THAP4: variants seen among roughly 807,000 people sequenced by gnomAD.
The protein encoded by THAP4 is peroxynitrite isomerase THAP4.
THAP4 carries 18 observed loss-of-function variants against 48.1 expected under a neutral mutation model. The ratio of observed to expected loss-of-function variants is 0.37; its 90% confidence interval spans 0.26 to 0.56. The LOEUF (loss-of-function observed/expected upper bound fraction) is 0.56. THAP4 is among the 20% of genes least tolerant of loss of function. The pLI, the probability that THAP4 is intolerant of heterozygous loss-of-function variation, is 0.78. For missense variants in THAP4, 656 were observed against 774.9 expected, an observed-to-expected ratio of 0.85 and a Z score of 1.82; for synonymous variants, 345 against 324.9, an observed-to-expected ratio of 1.06 and a Z score of -0.66.
At position 241,584,681 on chromosome 2, in the gene THAP4, C is replaced by A; in HGVS notation, c.1659G>T (p.Gln553His). The A allele has an allele frequency of 6.2e-7, 1 of 1,614,248 alleles. No individual in the cohort carries two copies. Among genetic ancestry groups the A allele is most frequent in the Non-Finnish European group, 8.5e-7 (1 of 1,180,040 alleles). The change falls in exon 6 of 6, where the codon CAG becomes CAT. Residue 553 changes from glutamine to histidine, a missense_variant. By Grantham distance (24) the Gln-to-His change is conservative (BLOSUM62 0). This residue lies in a region of THAP4 where 176 missense variants were observed against 256.7 expected (regional missense o/e 0.69). Transcript: ENST00000407315. ...GTGTCGTGGTTGCCATGGAGACCGT[C>A]TGCTCAAGTTTGCCTTCAGAATTCA... Reference protein sequence around the residue: ...FRLNSEGKLEQTVSMATTTQP... With the variant: ...FRLNSEGKLEHTVSMATTTQP...
chr2:241,617,438 A>ACACT, intron 2 of THAP4: 1 of 1,551,592 alleles, frequency 6.4e-7, no homozygotes, highest in Non-Finnish European at 8.7e-7. Context: ...TAAACTCCGG[A>ACACT]CACTCGTCAA....
intron 5 of THAP4, among the ~76,000 whole-genome samples, chr2:241,586,425 G>A (rs1439710896): frequency 6.6e-6 from 1 of 152,092 alleles, no homozygotes; most frequent in Admixed American, 6.5e-5. Flanking sequence ...ACAGGCAGAA[G>A]CACAGAACTG....
intron 2 of THAP4, among the ~76,000 whole-genome samples, chr2:241,611,672 C>T (rs934697160): frequency 5.4e-5 from 8 of 149,068 alleles, no homozygotes; most frequent in African/African-American, 1.7e-4. Context: ...TGCAGTGAGC[C>T]GAGATTGTGC....
chr2:241,587,508 C>A (rs1174839213), intron 5 of THAP4, among the ~76,000 whole-genome samples: 1 of 152,118 alleles, frequency 6.6e-6, no homozygotes, highest in Admixed American at 6.6e-5. Flanking sequence ...GTGGAGGGGA[C>A]TTTTATAACT....
intron 4 of THAP4, 114 bp from the exon 5 acceptor site, chr2:241,602,113 G>A (rs2067122207): frequency 2.1e-6 from 2 of 967,870 alleles, no homozygotes; most frequent in Non-Finnish European, 1.5e-6. Flanking sequence ...CTCTGCAGCT[G>A]TGGAAGCAAC....
chr2:241,593,668 TCA>T (rs1398831310), intron 5 of THAP4, among the ~76,000 whole-genome samples: 1 of 152,198 alleles, frequency 6.6e-6, no homozygotes, highest in Non-Finnish European at 1.5e-5. Flanking sequence ...AAAATGTGTT[TCA>T]GAGGCAATTC....
At chr2:241,595,072 G>C (rs1280685576) in intron 5 of THAP4, among the ~76,000 whole-genome samples, 1 of 152,156 alleles carries the variant, frequency 6.6e-6, no homozygotes, top group African/African-American at 2.4e-5. Context: ...GAGTGCAGTG[G>C]CGCCATCTCA....
At chr2:241,629,385 G>C (rs62193460) in intron 2 of THAP4, among the ~76,000 whole-genome samples, 141,484 of 151,654 alleles carry the variant, frequency 0.93, 66,139 homozygotes, top group East Asian at 1. Flanking sequence ...GTGGGAGGAT[G>C]GCTTGAGCCC....
At chr2:241,591,302 G>C (rs1326561606) in intron 5 of THAP4, among the ~76,000 whole-genome samples, 1 of 152,236 alleles carries the variant, frequency 6.6e-6, no homozygotes, top group Admixed American at 6.5e-5. Context: ...GGGGGCTTGA[G>C]AGGGCAGCGG....
At chr2:241,620,359 TC>T (rs2067412483) in intron 2 of THAP4, among the ~76,000 whole-genome samples, 1 of 50,988 alleles carries the variant, frequency 2.0e-5, no homozygotes, top group Non-Finnish European at 3.6e-5. Context: ...GGTGAGTGAG[TC>T]GGTGAGTGAG....
chr2:241,598,481 A>C (rs2067075629), intron 5 of THAP4, among the ~76,000 whole-genome samples: 1 of 152,152 alleles, frequency 6.6e-6, no homozygotes, highest in South Asian at 2.1e-4. Flanking sequence ...GCAGTCCCCA[A>C]ACTTTTTGGC....
At chr2:241,623,294 G>A (rs758172226) in intron 2 of THAP4, among the ~76,000 whole-genome samples, 10 of 148,222 alleles carry the variant, frequency 6.7e-5, no homozygotes, top group East Asian at 4.2e-4. Flanking sequence ...AAAAGTAAAG[G>A]GATAGGCCAG....
At position 241,633,745 on chromosome 2, in the gene THAP4, T is replaced by C. The variant is rs763395081; in HGVS notation, c.412A>G (p.Lys138Glu). Reference sequence around the variant, plus strand: ...TGCTTCAACCTGCGGGACTCTGGCTTGGCCATCGGGTTTCCACTCGAGGAC... The same window carrying C: ...TGCTTCAACCTGCGGGACTCTGGCTCGGCCATCGGGTTTCCACTCGAGGAC... ...SPSSSGNPMA[K>E]PESRRLKQAA... The change falls in exon 2 of 6, where the codon AAG becomes GAG. Residue 138 changes from lysine (K) to glutamate (E), a missense_variant. Physicochemically the swap from Lys to Glu is moderately conservative, Grantham distance 56 (BLOSUM62 1). Transcript: ENST00000407315. The surrounding 1 kb of genome is among the most constrained non-coding windows in gnomAD (Gnocchi z 7.5). 4.3e-6 allele frequency: 7 copies of C among 1,612,280 alleles called. No individual in the cohort carries two copies. Among genetic ancestry groups the C allele is most frequent in the Admixed American group, 1.7e-5 (1 of 60,000 alleles).
chr2:241,589,030 G>A (rs561087871), intron 5 of THAP4, among the ~76,000 whole-genome samples: 19 of 152,064 alleles, frequency 1.2e-4, no homozygotes, highest in Non-Finnish European at 2.2e-4. Flanking sequence ...TGGCCAACAT[G>A]GTGAAACCCC....
chr2:241,609,914 C>A (rs1277654660), intron 2 of THAP4, among the ~76,000 whole-genome samples: 1 of 152,264 alleles, frequency 6.6e-6, no homozygotes, highest in Non-Finnish European at 1.5e-5. Flanking sequence ...GGACCCACTT[C>A]CACTGGTGAG....
intron 2 of THAP4, among the ~76,000 whole-genome samples, chr2:241,608,631 T>TTG (rs1204434654): frequency 6.6e-6 from 1 of 152,222 alleles, no homozygotes; most frequent in African/African-American, 2.4e-5. Context: ...GATCAATTCT[T>TTG]TCATCATTCA....
chr2:241,626,372 C>T (rs1402054306), intron 2 of THAP4, among the ~76,000 whole-genome samples: 4 of 151,764 alleles, frequency 2.6e-5, no homozygotes, highest in Admixed American at 1.3e-4. Flanking sequence ...ACCAGGGAGT[C>T]GGAGGTTGCA....
intron 5 of THAP4, chr2:241,585,023 G>C: frequency 2.9e-6 from 1 of 344,886 alleles, no homozygotes; most frequent in South Asian, 3.2e-5. Context: ...CGGAAGCTAA[G>C]GAGGGTCGGG....
At chr2:241,586,031 G>A (rs751017309) in intron 5 of THAP4, among the ~76,000 whole-genome samples, 10 of 151,312 alleles carry the variant, frequency 6.6e-5, no homozygotes, top group South Asian at 2.1e-4. Context: ...CGAGGCGGGC[G>A]GATCACGAGG....
Sources: allele counts gnomAD v4.1 joint callset (sites outside exome capture counted in the v4.1 genomes callset), GRCh38; gene constraint gnomAD v4.1.1; regional missense constraint gnomAD v4.1.1; non-coding constraint Gnocchi (gnomAD v3.1); transcripts MANE v1.5; gene names NCBI Gene and HGNC (gene_info 2026-07-23, HGNC 2026-07-21).